MED12L: variants seen among roughly 807,000 people sequenced by gnomAD.
MED12L encodes the protein mediator complex subunit 12L, also known as mediator of RNA polymerase II transcription subunit 12-like protein.
In MED12L, 60 loss-of-function variants were observed where a neutral mutation model predicts 281.3. That is an observed-to-expected ratio of 0.21 (90% CI 0.17 to 0.26). The LOEUF is 0.26. Among genes scored for constraint, MED12L ranks in the 10% least tolerant of loss-of-function variants. The pLI, the probability that MED12L is intolerant of heterozygous loss-of-function variation, is 1.00. For synonymous variants in MED12L, 974 were observed against 987.2 expected, an observed-to-expected ratio of 0.99 and a Z score of 0.25; for missense variants, 2,146 against 2,680.9, an observed-to-expected ratio of 0.80 and a Z score of 4.41.
In MED12L at chr3:151,198,349, T is replaced by G. The variant is rs1206275554; in HGVS notation, c.2250+4683T>G. Reference sequence around the variant, plus strand: ...CATACTGAGTTTTTTTTTGTTTTTTTTTTTTTTATCTTTCAAAGCTATAAT... The same window carrying G: ...CATACTGAGTTTTTTTTTGTTTTTTGTTTTTTTATCTTTCAAAGCTATAAT... On this transcript the variant is annotated intron_variant, in intron 16 of 44. Coordinates refer to ENST00000687756, the MANE Select transcript of MED12L (RefSeq NM_001393769.1). 3.4e-5 allele frequency: 37 copies of G among 1,097,340 alleles called. 1 individual carries two copies. The highest frequency in any genetic ancestry group is 3.7e-5 in the Non-Finnish European group (30 of 803,278). The allele number at this position is 1,097,340 out of a possible 1,614,324, so 68.0% of individuals were successfully genotyped here. A position where few individuals can be genotyped will look rare whatever the true frequency, so the allele number is the denominator to read the frequency against.
rs770760766 is a variant in MED12L, at chr3:151,394,739, G to C, written c.5692G>C (p.Gly1898Arg). The C allele has an allele frequency of 3.1e-6, 5 of 1,614,282 alleles. No homozygotes were observed. Among genetic ancestry groups the C allele is most frequent in the Admixed American group, 1.7e-5 (1 of 60,034 alleles). ...ALSNMLQRRSGAMMQPPSLHA... is the reference protein window; with the variant it reads ...ALSNMLQRRSRAMMQPPSLHA... Reference sequence around the variant, plus strand: ...GTCAAACATGCTACAGCGGCGCTCAGGCGCCATGATGCAGCCGCCTTCTCT... The same window carrying C: ...GTCAAACATGCTACAGCGGCGCTCACGCGCCATGATGCAGCCGCCTTCTCT... The change falls in exon 39 of 45, where the codon GGC becomes CGC. Residue 1898 changes from glycine to arginine, a missense_variant. Coordinates refer to ENST00000687756, the MANE Select transcript of MED12L (RefSeq NM_001393769.1).
intron 5 of MED12L, among the ~76,000 whole-genome samples, chr3:151,146,123 C>T (rs1165258756): frequency 2.0e-5 from 3 of 152,188 alleles, no homozygotes; most frequent in African/African-American, 7.2e-5. Flanking sequence ...GCAGATTTCT[C>T]CACCCGACTC....
In MED12L at chr3:151,116,352, T is replaced by A; in HGVS notation, c.114T>A (p.Ala38=). 1.9e-6 allele frequency: 3 copies of A among 1,612,866 alleles called. No individual in the cohort carries two copies. The highest frequency in any genetic ancestry group is 2.5e-6 in the Non-Finnish European group (3 of 1,179,042). Residue 38 remains alanine, a synonymous_variant, in exon 3 of 45, where the codon GCT becomes GCA. Coordinates refer to ENST00000687756, the MANE Select transcript of MED12L (RefSeq NM_001393769.1). ...CTCTTGAACAGGATGAACTTACTGCTGTGAATGTAAAGCAAGGCTTCAATA... is the reference window on the plus strand; with the variant it reads ...CTCTTGAACAGGATGAACTTACTGCAGTGAATGTAAAGCAAGGCTTCAATA... ...DPKQKEDELT[A]VNVKQGFNNQ... is the part of the protein sequence containing the mutation.
chr3:151,290,031 C>A (rs1178236784), intron 16 of MED12L, among the ~76,000 whole-genome samples: 1 of 152,074 alleles, frequency 6.6e-6, no homozygotes, highest in Non-Finnish European at 1.5e-5. Context: ...ACTGGGATTA[C>A]AGGTGCACAC....
chr3:151,134,937 A>G (rs1029138952), intron 5 of MED12L, among the ~76,000 whole-genome samples: 9 of 132,992 alleles, frequency 6.8e-5, no homozygotes, highest in Admixed American at 5.0e-4. Flanking sequence ...ATGAAAAGCC[A>G]TGGAAGGGTT....
chr3:151,307,686 A>G (rs1469411202), intron 16 of MED12L, among the ~76,000 whole-genome samples: 3 of 151,950 alleles, frequency 2.0e-5, no homozygotes. Context: ...AAACCTGACT[A>G]TTCTTTTTGA....
chr3:151,276,798 C>G (rs1008984042), intron 16 of MED12L, among the ~76,000 whole-genome samples: 5 of 152,320 alleles, frequency 3.3e-5, no homozygotes, highest in Admixed American at 2.6e-4. Context: ...CGTAATACTT[C>G]AGGAAATTAT....
At chr3:151,355,855 A>G in intron 18 of MED12L, 41 bp from the exon 19 acceptor site, 2 of 1,528,642 alleles carry the variant, frequency 1.3e-6, no homozygotes, top group Non-Finnish European at 1.8e-6. Flanking sequence ...AAGATTATTT[A>G]GAATATTGGT....
chr3:151,287,917 C>T (rs1312215113), intron 16 of MED12L, among the ~76,000 whole-genome samples: 2 of 152,060 alleles, frequency 1.3e-5, no homozygotes, highest in Non-Finnish European at 1.5e-5. Flanking sequence ...TCATTGCTTT[C>T]TTTTTTTACC....
At chr3:151,275,153 G>A (rs976162487) in intron 16 of MED12L, among the ~76,000 whole-genome samples, 1 of 152,114 alleles carries the variant, frequency 6.6e-6, no homozygotes, top group African/African-American at 2.4e-5. Flanking sequence ...GAGGCTATAA[G>A]TGATGTGATG....
chr3:151,298,133 T>C (rs1478247735), intron 16 of MED12L, among the ~76,000 whole-genome samples: 1 of 152,218 alleles, frequency 6.6e-6, no homozygotes, highest in Non-Finnish European at 1.5e-5. Flanking sequence ...ACATTCTTTT[T>C]TGCCAGCTAA....
chr3:151,141,175 T>G (rs996341069), intron 5 of MED12L, among the ~76,000 whole-genome samples: 8 of 124,118 alleles, frequency 6.4e-5, no homozygotes, highest in Non-Finnish European at 9.4e-5. Context: ...CGTTTTTTTT[T>G]TTGTTTTTTT....
intron 16 of MED12L, among the ~76,000 whole-genome samples, chr3:151,333,239 C>A (rs1440242436): frequency 6.6e-6 from 1 of 152,104 alleles, no homozygotes; most frequent in African/African-American, 2.4e-5. Context: ...TAGAATAACG[C>A]CTATTCCTTT....
chr3:151,185,226 G>C (rs949525757), intron 11 of MED12L, 104 bp from the exon 12 acceptor site: 12 of 1,128,180 alleles, frequency 1.1e-5, no homozygotes, highest in Non-Finnish European at 1.5e-5. Flanking sequence ...ATAAAACATG[G>C]AAAAAAGCTT....
At chr3:151,314,571 G>C (rs9865758) in intron 16 of MED12L, among the ~76,000 whole-genome samples, 110,638 of 152,116 alleles carry the variant, frequency 0.73, 40,657 homozygotes, top group Middle Eastern at 0.86. Flanking sequence ...AGAGCAAATA[G>C]TACATTCATC....
chr3:151,140,259 G>A (rs991864692), intron 5 of MED12L, among the ~76,000 whole-genome samples: 5 of 152,030 alleles, frequency 3.3e-5, no homozygotes, highest in Non-Finnish European at 7.4e-5. Flanking sequence ...CTTTATTAAC[G>A]TAAAATAACA....
chr3:151,336,261 G>A (rs1165469197), intron 16 of MED12L, among the ~76,000 whole-genome samples: 1 of 152,130 alleles, frequency 6.6e-6, no homozygotes, highest in African/African-American at 2.4e-5. Context: ...GCAGTGTATA[G>A]GTTATATACT....
intron 16 of MED12L, among the ~76,000 whole-genome samples, chr3:151,231,322 G>C (rs937544128): frequency 1.3e-5 from 2 of 152,186 alleles, no homozygotes; most frequent in African/African-American, 4.8e-5. Flanking sequence ...ATGGGTGTGG[G>C]AGAATAGTAT....
chr3:151,208,229 G>A (rs1303223254), intron 16 of MED12L, among the ~76,000 whole-genome samples: 1 of 152,182 alleles, frequency 6.6e-6, no homozygotes, highest in Non-Finnish European at 1.5e-5. Flanking sequence ...AAGTGAATTT[G>A]ATGTGGAGTT....
Sources: gnomAD v4.1 joint callset for allele counts (sites outside exome capture counted in the v4.1 genomes callset) on GRCh38, gnomAD v4.1.1 for gene constraint, MANE v1.5 for transcripts, NCBI Gene and HGNC (gene_info 2026-07-23, HGNC 2026-07-21) for gene names.